Variants in RADX observed in about 807,000 individuals in gnomAD.
RADX encodes the protein RPA1 related single stranded DNA binding protein, X-linked, also known as RPA-related protein RADX.
In RADX, 36 loss-of-function variants were observed where a neutral mutation model predicts 61.6. That is an observed-to-expected ratio of 0.58 (90% CI 0.45 to 0.77). RADX has a LOEUF of 0.77. Among genes scored for constraint, RADX ranks in the 30% least tolerant of loss-of-function variants. The pLI, the probability that RADX is intolerant of heterozygous loss-of-function variation, is 0.00. For synonymous variants in RADX, 272 were observed against 237.9 expected, an observed-to-expected ratio of 1.14 and a Z score of -1.32; for missense variants, 497 against 651.1, an observed-to-expected ratio of 0.76 and a Z score of 2.58.
chrX:106,648,807 G>A (rs755205377), intron 11 of RADX, among the ~76,000 whole-genome samples: 1 of 110,810 alleles, frequency 9.0e-6, no homozygotes, highest in Non-Finnish European at 1.9e-5. Context: ...TGGGGTGTCC[G>A]TAGAGTAGTT....
At chrX:106,668,194 G>A (rs1210485936) in intron 12 of RADX, among the ~76,000 whole-genome samples, 1 of 111,990 alleles carries the variant, frequency 8.9e-6, no homozygotes, top group African/African-American at 3.2e-5. Context: ...GCAGCTTAAC[G>A]AGAAGGATTT....
intron 11 of RADX, among the ~76,000 whole-genome samples, chrX:106,657,183 AG>A (rs1354307056): frequency 8.9e-6 from 1 of 112,316 alleles, no homozygotes; most frequent in Non-Finnish European, 1.9e-5. Flanking sequence ...TTATGGAGAT[AG>A]CTTCTTTCTT....
At chrX:106,663,304 T>C (rs1928148931) in intron 12 of RADX, among the ~76,000 whole-genome samples, 1 of 111,415 alleles carries the variant, frequency 9.0e-6, no homozygotes, top group Admixed American at 9.6e-5. Flanking sequence ...TATAAATATG[T>C]ACAGACATGT....
In RADX at chrX:106,622,766, T is replaced by C. The variant is rs1313246649; in HGVS notation, c.759T>C (p.Pro253=). 1 of 1,181,944 alleles carries C rather than the reference T, an allele frequency of 8.5e-7. No individual in the cohort carries two copies. Among genetic ancestry groups the C allele is most frequent in the Admixed American group, 2.5e-5 (1 of 40,480 alleles). The change falls in exon 2 of 14, where the codon CCT becomes CCC. Residue 253 remains proline, a synonymous_variant. Transcript: ENST00000372548. The part of the protein sequence containing the change: ...HKSKLRYYGK[P]DKKMIEPYQT... ...CAAAACTGCGATACTATGGAAAACC[T>C]GATAAAAAGATGATTGAACCATATC...
At chrX:106,670,137 C>G (rs946016317) in intron 13 of RADX, among the ~76,000 whole-genome samples, 1 of 111,003 alleles carries the variant, frequency 9.0e-6, no homozygotes. Context: ...GGGGCAGTAA[C>G]AGTTGCTGCA....
At chrX:106,627,165 C>T (rs1309075073) in intron 3 of RADX, among the ~76,000 whole-genome samples, 1 of 111,744 alleles carries the variant, frequency 8.9e-6, no homozygotes, top group East Asian at 2.8e-4. Context: ...TGGTGCCCCA[C>T]CCTCAGAGAT....
At chrX:106,646,665 C>A (rs1275558612) in intron 10 of RADX, among the ~76,000 whole-genome samples, 4 of 110,327 alleles carry the variant, frequency 3.6e-5, no homozygotes, top group African/African-American at 6.6e-5. Context: ...TAAGAGTTAA[C>A]CAGGCAAATG....
chrX:106,639,774 C>G, intron 9 of RADX, 87 bp downstream of exon 9: 1 of 736,092 alleles, frequency 1.4e-6, no homozygotes, highest in Non-Finnish European at 1.9e-6. Context: ...ATTCAGAACT[C>G]ACGTGTATTG....
At position 106,612,139 on chromosome X, in the gene RADX, C is replaced by T; in HGVS notation, c.59C>T (p.Pro20Leu). The T allele has an allele frequency of 8.3e-7, 1 of 1,211,513 alleles. No individual in the cohort carries two copies. The highest frequency in any genetic ancestry group is 1.1e-6 in the Non-Finnish European group (1 of 895,275). ...CCCTCACATGCAGGGCTAGATTGGC[C>T]GAACCCTGAGAGGAATCGGGCTGGG... ...AGPSHAGLDW[P>L]NPERNRAGVP... The change falls in exon 1 of 14, where the codon CCG (proline) becomes CTG (leucine). Residue 20 changes from proline (P) to leucine (L), a missense_variant. Physicochemically the swap from Pro to Leu is moderately conservative, Grantham distance 98. Transcript: ENST00000372548.
chrX:106,671,655 T>C (rs1928364017), intron 13 of RADX, among the ~76,000 whole-genome samples: 1 of 111,858 alleles, frequency 8.9e-6, no homozygotes, highest in Admixed American at 9.5e-5. Context: ...GAGTGCCACT[T>C]TACTCATGCC....
chrX:106,665,645 T>C (rs1195961561), intron 12 of RADX, among the ~76,000 whole-genome samples: 1 of 110,232 alleles, frequency 9.1e-6, no homozygotes, highest in Non-Finnish European at 1.9e-5. Context: ...TTTAAGGTTC[T>C]CCAAGCATGA....
At chrX:106,651,249 A>C (rs1603051857) in intron 11 of RADX, among the ~76,000 whole-genome samples, 1 of 111,586 alleles carries the variant, frequency 9.0e-6, no homozygotes, top group South Asian at 3.7e-4. Context: ...ATCAACAAAG[A>C]AAACAAAATT....
chrX:106,659,236 C>G (rs1231354431), intron 11 of RADX, among the ~76,000 whole-genome samples: 1 of 112,157 alleles, frequency 8.9e-6, no homozygotes, highest in African/African-American at 3.2e-5. Flanking sequence ...CTGCCTCAGG[C>G]TCCTGAAGTG....
At chrX:106,631,032 A>G (rs1025890215) in intron 3 of RADX, among the ~76,000 whole-genome samples, 2 of 112,390 alleles carry the variant, frequency 1.8e-5, no homozygotes, top group Non-Finnish European at 3.8e-5. Flanking sequence ...CATCATTGAC[A>G]TTGTCAACAA....
At chrX:106,673,844 GA>G (rs1430978913) in intron 13 of RADX, among the ~76,000 whole-genome samples, 2 of 111,084 alleles carry the variant, frequency 1.8e-5, no homozygotes, top group East Asian at 5.7e-4. Flanking sequence ...GGACTGCTGG[GA>G]TTAGTGATTC....
intron 13 of RADX, among the ~76,000 whole-genome samples, chrX:106,673,074 G>A (rs1928407963): frequency 8.9e-6 from 1 of 111,789 alleles, no homozygotes. Flanking sequence ...CCATCTAAGA[G>A]CCAAGTCCTG....
intron 12 of RADX, among the ~76,000 whole-genome samples, chrX:106,668,040 A>G (rs1192983252): frequency 8.9e-6 from 1 of 111,897 alleles, no homozygotes; most frequent in Non-Finnish European, 1.9e-5. Context: ...TCTAGATAAC[A>G]TGATTATTTC....
chrX:106,633,634 C>T lies in RADX; in HGVS notation c.1303+382C>T, dbSNP rs959688654. On this transcript the variant is annotated intron_variant, in intron 6 of 13. Transcript: ENST00000372548. ...TTAAAGACATCGAAGACTTATATAG[C>T]ATTAATTGGTAGAAGATTGGTGGAC... is the stretch of plus-strand genomic sequence containing the variant. Among the ~76,000 whole-genome samples the T allele has an allele frequency of 7.2e-5, 8 of 111,696 alleles. No homozygotes were observed. The East Asian group carries it at 2.3e-3, about 31-fold the overall frequency.
rs1928151563 is a variant in RADX at position 106,663,390 on chromosome X, G to A, written c.2269+1085G>A. ...ACAATCACAGACCTAAGTTTCAAAT[G>A]CTTTTTCACTAGAATGTATTACTTG... On this transcript the variant is annotated intron_variant, in intron 12 of 13. Transcript: ENST00000372548. Among the ~76,000 whole-genome samples the A allele has an allele frequency of 3.6e-5, 4 of 111,390 alleles. No individual in the cohort carries two copies. In the South Asian group the frequency reaches 1.5e-3, roughly 42 times the overall value.
Sources: allele counts gnomAD v4.1 joint callset (sites outside exome capture counted in the v4.1 genomes callset), GRCh38; gene constraint gnomAD v4.1.1; transcripts MANE v1.5; gene names NCBI Gene and HGNC (gene_info 2026-07-23, HGNC 2026-07-21).